The following TTI1 variants were observed in gnomAD, a reference collection of about 807,000 sequenced individuals.
TTI1 encodes the protein TELO2 interacting protein 1, also known as TELO2-interacting protein 1 homolog.
Under a neutral mutation model 85.4 loss-of-function variants are expected in TTI1, and 52 were observed. The ratio of observed to expected loss-of-function variants is 0.61; its 90% CI spans 0.49 to 0.77. The LOEUF (loss-of-function observed/expected upper bound fraction) is 0.77, where lower values mean the gene tolerates loss of function less well. Ranked by LOEUF, TTI1 falls within the 30% of genes least tolerant of loss-of-function variation. The pLI, the probability that TTI1 is intolerant of heterozygous loss-of-function variation, is 0.00. For synonymous variants in TTI1, 512 were observed against 503.9 expected (o/e 1.02, Z -0.22); for missense variants, 1,173 against 1,296.0 (o/e 0.91, Z 1.46).
intron 4 of TTI1, among the ~76,000 whole-genome samples, chr20:38,000,941 A>G (rs1237359042): frequency 9.9e-5 from 15 of 152,210 alleles, no homozygotes; most frequent in Non-Finnish European, 1.5e-5. Context: ...ATCAGAAGGT[A>G]AGCTCTGTCT....
intron 1 of TTI1, among the ~76,000 whole-genome samples, chr20:38,016,883 T>C (rs1297478119): frequency 6.6e-6 from 1 of 152,246 alleles, no homozygotes; most frequent in Non-Finnish European, 1.5e-5. Context: ...AGGTAGAAGC[T>C]ATACCTAAGC....
chr20:37,985,155 CA>C (rs2073173368), intron 7 of TTI1, among the ~76,000 whole-genome samples: 1 of 152,170 alleles, frequency 6.6e-6, no homozygotes, highest in African/African-American at 2.4e-5. Flanking sequence ...TTCCCCATTC[CA>C]AAAATGGGGG....
intron 7 of TTI1, 56 bp downstream of exon 7, chr20:37,996,319 A>C (rs2073337227): frequency 6.3e-7 from 1 of 1,587,248 alleles, no homozygotes; most frequent in Admixed American, 1.7e-5. Context: ...GCCATTAGCA[A>C]ATCATCTGTA....
At chr20:38,025,953 G>A (rs1011977865) in intron 1 of TTI1, among the ~76,000 whole-genome samples, 1 of 152,168 alleles carries the variant, frequency 6.6e-6, no homozygotes, top group African/African-American at 2.4e-5. Context: ...GAACCTGTGG[G>A]ACCAAGAGGG....
At chr20:38,002,513 C>T in intron 4 of TTI1, 115 bp downstream of exon 4, 1 of 1,374,446 alleles carries the variant, frequency 7.3e-7, no homozygotes, top group Non-Finnish European at 9.9e-7. Context: ...TCTTGGCCAC[C>T]ACACGTGGAC....
intron 7 of TTI1, among the ~76,000 whole-genome samples, chr20:37,986,790 A>C (rs562791989): frequency 2.0e-5 from 3 of 152,350 alleles, no homozygotes; most frequent in African/African-American, 2.4e-5. Flanking sequence ...GGCATAATTA[A>C]CACCACCAAT....
In TTI1 at chr20:38,006,294, G is replaced by A. The variant is rs780252213; in HGVS notation, c.2406C>T (p.Ser802=). ...GTTCGATGTCTTCAGCTGTGGTGGT[G>A]CTCTTCTCAAGAGCTGCTGGTCTTT... ...LNQRPAALEK[S]TTTAEDIEQF... is the part of the protein sequence containing the mutation. Residue 802 remains serine, a synonymous_variant, in exon 3 of 8, where the codon AGC becomes AGT. Coordinates refer to ENST00000373447, the MANE Select transcript of TTI1 (RefSeq NM_001303457.2). 6.2e-7 allele frequency: 1 copy of A among 1,614,172 alleles called. No individual in the cohort carries two copies. Among genetic ancestry groups the A allele is most frequent in the Non-Finnish European group, 8.5e-7 (1 of 1,180,018 alleles).
chr20:38,001,001 A>G (rs1451899403), intron 4 of TTI1, among the ~76,000 whole-genome samples: 1 of 152,138 alleles, frequency 6.6e-6, no homozygotes, highest in Non-Finnish European at 1.5e-5. Flanking sequence ...TATCTGCCGC[A>G]TGGGTGAATT....
chr20:38,002,203 C>G (rs1015788441), intron 4 of TTI1, among the ~76,000 whole-genome samples: 1 of 152,172 alleles, frequency 6.6e-6, no homozygotes, highest in Non-Finnish European at 1.5e-5. Flanking sequence ...GCTTGGCAAA[C>G]TGCCAGCAAG....
Position 38,013,517 on chromosome 20 carries a change from G to A in TTI1, c.300C>T (p.Leu100=), listed in dbSNP as rs756175666. 4.3e-6 allele frequency: 7 copies of A among 1,614,002 alleles called. No individual in the cohort carries two copies. Among genetic ancestry groups the A allele is most frequent in the Non-Finnish European group, 5.1e-6 (6 of 1,180,032 alleles). Residue 100 remains leucine (L), a synonymous_variant, in exon 2 of 8, where the codon CTC becomes CTT. Transcript: ENST00000373447. The part of the protein sequence containing the change: ...QELLQELFSE[L]SACLYSPSSQ... The stretch of plus-strand genomic sequence containing the variant: ...AGCTGGGTGAATACAGACAAGCAGA[G>A]AGTTCTGAAAAGAGTTCCTGGAGAA...
In TTI1 at chr20:38,002,629, T is replaced by C; in HGVS notation, c.2651A>G (p.Lys884Arg). The C allele has an allele frequency of 1.2e-6, 2 of 1,614,132 alleles. No homozygotes were observed. The highest frequency in any genetic ancestry group is 8.5e-7 in the Non-Finnish European group (1 of 1,179,968). ...LSDKNLQIRL[K>R]VLDVLDLCVV... ...GCAGAGAAGCAGCTGCGCACTGACC[T>C]TCAGGCGGATTTGCAGATTTTTATC... Residue 884 changes from lysine to arginine, a missense_variant and splice_region_variant, in exon 4 of 8, where the codon AAG (lysine) becomes AGG (arginine). Coordinates refer to ENST00000373447, the MANE Select transcript of TTI1 (RefSeq NM_001303457.2).
chr20:37,987,566 C>T (rs1180486569), intron 7 of TTI1: 2 of 358,040 alleles, frequency 5.6e-6, no homozygotes, highest in Non-Finnish European at 1.1e-5. Flanking sequence ...TTATCTGGTC[C>T]CCAGAGTATC....
intron 1 of TTI1, among the ~76,000 whole-genome samples, chr20:38,022,225 C>T (rs1196242134): frequency 1.3e-5 from 2 of 152,226 alleles, no homozygotes; most frequent in Non-Finnish European, 1.5e-5. Context: ...TTCTCTCCCC[C>T]ATGTCCTCAG....
At position 37,999,302 on chromosome 20, in the gene TTI1, C is replaced by A; in HGVS notation, c.2679G>T (p.Val893=). The A allele has an allele frequency of 6.7e-7, 1 of 1,485,696 alleles. No homozygotes were observed. Among genetic ancestry groups the A allele is most frequent in the Non-Finnish European group, 9.0e-7 (1 of 1,112,382 alleles). 92.0% of individuals were successfully genotyped at this position (1,485,696 alleles called of 1,614,324 possible). ...GGTTTTTGTGGGACTGAAGAACAAC[C>A]ACACACAGATCCAGCACATCCAAGA... The part of the protein sequence containing the change: ...LKVLDVLDLC[V]VVLQSHKNQL... Residue 893 remains valine (V), a synonymous_variant, in exon 5 of 8, where the codon GTG becomes GTT. Coordinates refer to ENST00000373447, the MANE Select transcript of TTI1 (RefSeq NM_001303457.2).
At chr20:37,992,818 G>T (rs905872853) in intron 7 of TTI1, among the ~76,000 whole-genome samples, 2 of 152,100 alleles carry the variant, frequency 1.3e-5, no homozygotes, top group Non-Finnish European at 2.9e-5. Context: ...TTCCTTTCAC[G>T]TACAGGAGGC....
chr20:38,006,114 C>G (rs2073493956), intron 3 of TTI1, 83 bp downstream of exon 3: 7 of 1,499,456 alleles, frequency 4.7e-6, no homozygotes, highest in Middle Eastern at 1.9e-4. Flanking sequence ...TTATTTCTAC[C>G]CTTTCTGTAA....
At chr20:38,002,575 C>T in intron 4 of TTI1, 53 bp downstream of exon 4, 1 of 1,598,900 alleles carries the variant, frequency 6.3e-7, no homozygotes, top group Non-Finnish European at 8.6e-7. Context: ...GCCAACCAGG[C>T]CACACCTTAG....
intron 7 of TTI1, among the ~76,000 whole-genome samples, chr20:37,986,558 A>T (rs552715385): frequency 5.9e-4 from 90 of 152,288 alleles, no homozygotes; most frequent in Non-Finnish European, 1.2e-3. Context: ...GAATGGCAGG[A>T]ATGCACGTTC....
intron 7 of TTI1, among the ~76,000 whole-genome samples, chr20:37,984,824 G>A (rs927660406): frequency 2.6e-5 from 4 of 152,168 alleles, no homozygotes; most frequent in Admixed American, 6.5e-5. Context: ...GCTGTATCTC[G>A]GGCACCTGGA....
Sources: gnomAD v4.1 joint callset for allele counts (sites outside exome capture counted in the v4.1 genomes callset) on GRCh38, gnomAD v4.1.1 for gene constraint, MANE v1.5 for transcripts, NCBI Gene and HGNC (gene_info 2026-07-23, HGNC 2026-07-21) for gene names.